The following SLC26A4 variants were observed in gnomAD, a reference collection of about 807,000 sequenced individuals.
SLC26A4 encodes the protein solute carrier family 26 member 4.
SLC26A4 carries 93 observed loss-of-function variants against 90.4 expected under a neutral mutation model. The ratio of observed to expected loss-of-function variants is 1.03; its 90% CI spans 0.87 to 1.22. SLC26A4 has a LOEUF of 1.22. Ranked by LOEUF, SLC26A4 falls within the 50% of genes most tolerant of loss-of-function variation. The pLI is 0.00. For missense variants in SLC26A4, 1,127 were observed against 946.2 expected (o/e 1.19, Z -2.51); for synonymous variants, 393 against 354.6 (o/e 1.11, Z -1.22).
At chr7:107,692,815 G>A (rs772631471) in intron 10 of SLC26A4, 1 of 152,140 alleles carries the variant, frequency 6.6e-6, no homozygotes, top group Non-Finnish European at 1.5e-5. Context: ...AAAGTCTACA[G>A]AGTTTCTCAC....
rs1452223836 is a variant in SLC26A4 at position 107,701,930 on chromosome 7, T to C, written c.1907T>C (p.Ile636Thr). 2 of 1,613,002 alleles carry C rather than the reference T, an allele frequency of 1.2e-6. No homozygotes were observed. The highest frequency in any genetic ancestry group is 1.7e-6 in the Non-Finnish European group (2 of 1,179,082). Residue 636 changes from isoleucine (I) to threonine (T), a missense_variant, in exon 17 of 21, where the codon ATT becomes ACT. Physicochemically the swap from Ile to Thr is moderately conservative, Grantham distance 89. Transcript: ENST00000644269. The stretch of plus-strand genomic sequence containing the variant: ...GATATCCCAACCAAGGAAATAGAGA[T>C]TCAAGTGGATTGGAACTCTGAGCTT... ...ELDIPTKEIE[I>T]QVDWNSELPV... is the part of the protein sequence containing the mutation.
intron 17 of SLC26A4, among the ~76,000 whole-genome samples, chr7:107,704,014 A>T (rs979668023): frequency 6.6e-5 from 10 of 152,168 alleles, no homozygotes; most frequent in African/African-American, 2.4e-4. Flanking sequence ...CCACACCCAT[A>T]TCTCTTCTCC....
intron 3 of SLC26A4, 120 bp downstream of exon 3, chr7:107,663,555 A>T: frequency 9.0e-7 from 1 of 1,108,768 alleles, no homozygotes; most frequent in Non-Finnish European, 1.4e-6. Flanking sequence ...TTTCCTGTAG[A>T]GCCCCTTAGT....
chr7:107,683,501 A>T lies in SLC26A4; in HGVS notation c.965A>T (p.Asn322Ile). The T allele has an allele frequency of 6.2e-7, 1 of 1,613,942 alleles. No individual in the cohort carries two copies. The highest frequency in any genetic ancestry group is 1.1e-5 in the South Asian group (1 of 91,080). The part of the protein sequence containing the change: ...AISYGANLEK[N>I]YNAGIVKSIP... ...TCATATGGAGCCAACCTGGAAAAAA[A>T]TTACAATGCTGGCATTGTTAAATCC... Residue 322 changes from asparagine to isoleucine, a missense_variant, in exon 8 of 21, where the codon AAT (asparagine) becomes ATT (isoleucine). Asn to Ile is a moderately radical substitution (Grantham distance 149). Transcript: ENST00000644269.
At chr7:107,707,521 G>A (rs1297905553) in intron 18 of SLC26A4, among the ~76,000 whole-genome samples, 1 of 152,166 alleles carries the variant, frequency 6.6e-6, no homozygotes. Context: ...AAGACTTAAA[G>A]TGGCTATATT....
At chr7:107,701,078 T>G in intron 15 of SLC26A4, 23 bp from the exon 16 acceptor site, 7 of 1,432,754 alleles carry the variant, frequency 4.9e-6, no homozygotes, top group Non-Finnish European at 6.9e-6. Flanking sequence ...GCATTTTAAG[T>G]AACTTGACAT....
intron 17 of SLC26A4, among the ~76,000 whole-genome samples, chr7:107,703,959 T>G (rs1791968971): frequency 1.3e-5 from 2 of 152,190 alleles, no homozygotes; most frequent in Admixed American, 1.3e-4. Context: ...AATAGAGGCC[T>G]TGACTTTTAG....
intron 6 of SLC26A4, among the ~76,000 whole-genome samples, chr7:107,677,751 G>A (rs1031946574): frequency 6.6e-6 from 1 of 151,694 alleles, no homozygotes. Context: ...AACTACAGGT[G>A]TGCACCACCA....
In SLC26A4 at chr7:107,698,733, G is replaced by A. The variant is rs538612607; in HGVS notation, c.1614+622G>A. On this transcript the variant is annotated intron_variant, in intron 14 of 20. Coordinates refer to ENST00000644269, the MANE Select transcript of SLC26A4 (RefSeq NM_000441.2). ...GGTATATAATTCTTATCTTCTGTAA[G>A]ATTTTCTTTATTCAGTTCTAACAAG... Among the ~76,000 whole-genome samples the A allele has an allele frequency of 1.3e-3, 197 of 152,268 alleles. 12 individuals carry two copies. The South Asian group carries it at 0.04, about 31-fold the overall frequency.
chr7:107,664,343 T>A (rs1444183680), intron 3 of SLC26A4, among the ~76,000 whole-genome samples: 2 of 152,234 alleles, frequency 1.3e-5, no homozygotes, highest in African/African-American at 4.8e-5. Flanking sequence ...GTGATTCTTG[T>A]GCCTCAGCCT....
chr7:107,662,137 G>C, intron 2 of SLC26A4: 1 of 383,298 alleles, frequency 2.6e-6, no homozygotes, highest in Non-Finnish European at 4.7e-6. Flanking sequence ...TTGCCTTCTT[G>C]GGAGCTTGTT....
chr7:107,691,632 G>A (rs1399923824), intron 10 of SLC26A4, among the ~76,000 whole-genome samples: 1 of 151,182 alleles, frequency 6.6e-6, no homozygotes, highest in Non-Finnish European at 1.5e-5. Flanking sequence ...GCCCAGGGAG[G>A]GCTTTAATTG....
At position 107,683,479 on chromosome 7, in the gene SLC26A4, T is replaced by C. The variant is rs1339275615; in HGVS notation, c.943T>C (p.Tyr315His). Residue 315 changes from tyrosine to histidine, a missense_variant, in exon 8 of 21, where the codon TAT (tyrosine) becomes CAT (histidine). By Grantham distance (83) the Tyr-to-His change is moderately conservative (BLOSUM62 2). Coordinates refer to ENST00000644269, the MANE Select transcript of SLC26A4 (RefSeq NM_000441.2). ...GACGATAATTGCTACTGCCATTTCA[T>C]ATGGAGCCAACCTGGAAAAAAATTA... The part of the protein sequence containing the change: ...IVTIIATAIS[Y>H]GANLEKNYNA... 1.2e-6 allele frequency: 2 copies of C among 1,613,844 alleles called. No individual in the cohort carries two copies. Among genetic ancestry groups the C allele is most frequent in the Non-Finnish European group, 1.7e-6 (2 of 1,179,886 alleles).
At chr7:107,704,207 T>G in intron 17 of SLC26A4, 124 bp from the exon 18 acceptor site, 1 of 647,670 alleles carries the variant, frequency 1.5e-6, no homozygotes, top group Non-Finnish European at 2.9e-6. Flanking sequence ...AATAATAACC[T>G]TTCCTTAAAG....
At chr7:107,675,196 T>C in intron 6 of SLC26A4, 87 bp downstream of exon 6, 1 of 1,310,586 alleles carries the variant, frequency 7.6e-7, no homozygotes, top group Non-Finnish European at 1.1e-6. Context: ...CCAGGCGTGG[T>C]GGCTCACACC....
intron 3 of SLC26A4, among the ~76,000 whole-genome samples, chr7:107,665,475 T>C (rs1790682071): frequency 6.6e-6 from 1 of 152,190 alleles, no homozygotes; most frequent in African/African-American, 2.4e-5. Context: ...TGACACCCTG[T>C]GACTCCTGGG....
chr7:107,680,290 CTTA>C (rs1403582550), intron 6 of SLC26A4, among the ~76,000 whole-genome samples: 6 of 119,340 alleles, frequency 5.0e-5, no homozygotes, highest in Non-Finnish European at 9.6e-5. Context: ...ATAATCTTAT[CTTA>C]TTATATAATA....
At chr7:107,685,203 CAGA>C (rs1252402570) in intron 8 of SLC26A4, among the ~76,000 whole-genome samples, 1 of 152,104 alleles carries the variant, frequency 6.6e-6, no homozygotes, top group Non-Finnish European at 1.5e-5. Context: ...AGTAAGCTCT[CAGA>C]AAACACTTGT....
At chr7:107,712,130 A>G (rs1792209110) in intron 19 of SLC26A4, among the ~76,000 whole-genome samples, 1 of 152,198 alleles carries the variant, frequency 6.6e-6, no homozygotes, top group South Asian at 2.1e-4. Context: ...ACCCAATTCC[A>G]TTTGTGGCTG....
Sources: gnomAD v4.1 joint callset for allele counts (sites outside exome capture counted in the v4.1 genomes callset) on GRCh38, gnomAD v4.1.1 for gene constraint, MANE v1.5 for transcripts, NCBI Gene and HGNC (gene_info 2026-07-23, HGNC 2026-07-21) for gene names.